The following TCF12 variants were observed in gnomAD, a reference collection of about 807,000 sequenced individuals.
The protein encoded by TCF12 is transcription factor 12.
A neutral mutation model predicts 86.0 loss-of-function variants in TCF12; 45 were observed. The ratio of observed to expected loss-of-function variants is 0.52; its 90% CI spans 0.41 to 0.67. The LOEUF (loss-of-function observed/expected upper bound fraction) is 0.67. Among genes scored for constraint, TCF12 ranks in the 30% least tolerant of loss-of-function variants. The pLI, the probability that TCF12 is intolerant of heterozygous loss-of-function variation, is 0.00. For missense variants in TCF12, 881 were observed against 859.9 expected, an observed-to-expected ratio of 1.02 and a Z score of -0.31; for synonymous variants, 330 against 299.6, an observed-to-expected ratio of 1.10 and a Z score of -1.05.
chr15:56,975,545 T>G (rs1427891423), intron 3 of TCF12, among the ~76,000 whole-genome samples: 2 of 152,148 alleles, frequency 1.3e-5, no homozygotes, highest in African/African-American at 2.4e-5. Context: ...TGAATTTACC[T>G]AATAAAGCCT....
At chr15:57,222,814 G>A (rs1219735183) in intron 8 of TCF12, among the ~76,000 whole-genome samples, 1 of 86,468 alleles carries the variant, frequency 1.2e-5, no homozygotes, top group African/African-American at 4.6e-5. Flanking sequence ...ATTCTGGAGT[G>A]CCTTACTCCA....
intron 8 of TCF12, chr15:57,219,595 G>C: frequency 1.2e-6 from 2 of 1,612,092 alleles, no homozygotes; most frequent in Non-Finnish European, 1.7e-6. Context: ...AAAACGGTAA[G>C]CCTTTTTCTT....
chr15:57,196,959 C>CTGTAGGATTTTTTA (rs2151738324), intron 7 of TCF12, among the ~76,000 whole-genome samples: 1 of 152,028 alleles, frequency 6.6e-6, no homozygotes, highest in Admixed American at 6.5e-5. Flanking sequence ...TTTTAAAAAA[C>CTGTAGGATTTTTTA]TGTAGGATAG....
At chr15:57,086,924 A>C (rs1289082970) in intron 4 of TCF12, among the ~76,000 whole-genome samples, 1 of 152,148 alleles carries the variant, frequency 6.6e-6, no homozygotes, top group African/African-American at 2.4e-5. Flanking sequence ...CGTTTTAAAA[A>C]TTAGCCAAAA....
At chr15:57,037,137 C>A (rs1301473826) in intron 3 of TCF12, among the ~76,000 whole-genome samples, 3 of 152,016 alleles carry the variant, frequency 2.0e-5, no homozygotes. Flanking sequence ...AAAATGACAT[C>A]CTGTGCAGAT....
chr15:56,965,780 A>G (rs2061976014), intron 3 of TCF12, among the ~76,000 whole-genome samples: 1 of 152,160 alleles, frequency 6.6e-6, no homozygotes, highest in Non-Finnish European at 1.5e-5. Flanking sequence ...TCTTATTGCA[A>G]GTCGAGTGAA....
At chr15:57,141,207 C>T (rs939648709) in intron 5 of TCF12, among the ~76,000 whole-genome samples, 6 of 152,136 alleles carry the variant, frequency 3.9e-5, no homozygotes, top group Non-Finnish European at 7.4e-5. Flanking sequence ...AGTCACTGTC[C>T]GTGAACAAGT....
intron 5 of TCF12, among the ~76,000 whole-genome samples, chr15:57,125,531 T>C (rs1455526473): frequency 6.6e-6 from 1 of 152,206 alleles, no homozygotes; most frequent in Non-Finnish European, 1.5e-5. Flanking sequence ...ATATTAGCCT[T>C]TAAACTTAAA....
At chr15:57,202,780 G>T (rs2057613831) in intron 8 of TCF12, among the ~76,000 whole-genome samples, 1 of 152,062 alleles carries the variant, frequency 6.6e-6, no homozygotes, top group Non-Finnish European at 1.5e-5. Context: ...TTGCTGTTGA[G>T]TTCTCGGAAC....
intron 19 of TCF12, among the ~76,000 whole-genome samples, chr15:57,279,018 A>G (rs1268110619): frequency 8.8e-6 from 1 of 113,692 alleles, no homozygotes; most frequent in Non-Finnish European, 1.7e-5. Context: ...TTTCTTCCTC[A>G]GGGTTTTGCT....
chr15:57,250,977 A>G (rs1342867958), intron 13 of TCF12, among the ~76,000 whole-genome samples: 3 of 148,776 alleles, frequency 2.0e-5, no homozygotes, highest in South Asian at 4.2e-4. Flanking sequence ...GTAGTCATTA[A>G]TAGTATTATC....
intron 15 of TCF12, 79 bp downstream of exon 15, chr15:57,252,571 T>G: frequency 8.4e-7 from 1 of 1,186,850 alleles, no homozygotes; most frequent in South Asian, 1.3e-5. Context: ...ATCTTTAAGC[T>G]GTACAGACTC....
intron 7 of TCF12, among the ~76,000 whole-genome samples, chr15:57,195,152 C>T (rs757057325): frequency 7.0e-4 from 107 of 152,334 alleles, no homozygotes; most frequent in Middle Eastern, 3.4e-3. Flanking sequence ...GTCCTCCTGC[C>T]TTGGCCTCCC....
rs945989674 is a variant in TCF12, at chr15:57,219,454, G to C, written c.580-11698G>C. 3.8e-6 allele frequency: 6 copies of C among 1,558,818 alleles called. No individual in the cohort carries two copies. In the African/African-American group the frequency reaches 5.4e-5, roughly 14 times the overall value. On this transcript the variant is annotated intron_variant, in intron 8 of 20. Transcript: ENST00000333725. ...TACTGAAGACTTACTCCCTTTGCCT[G>C]TGTGGATATATGTCTTGGAGAGAGG... is the stretch of plus-strand genomic sequence containing the variant.
chr15:57,243,603 C>G (rs974864536), intron 13 of TCF12, 53 bp downstream of exon 13: 2 of 1,415,988 alleles, frequency 1.4e-6, no homozygotes, highest in Non-Finnish European at 2.0e-6. Flanking sequence ...GGAAATATTT[C>G]TAGTTCATTT....
At chr15:56,936,185 A>AT (rs2060464200) in intron 3 of TCF12, among the ~76,000 whole-genome samples, 1 of 152,224 alleles carries the variant, frequency 6.6e-6, no homozygotes, top group African/African-American at 2.4e-5. Flanking sequence ...TGTGAGAGTA[A>AT]GGTGGTATTG....
chr15:56,944,429 G>C (rs1243701850), intron 3 of TCF12, among the ~76,000 whole-genome samples: 2 of 152,156 alleles, frequency 1.3e-5, no homozygotes, highest in Admixed American at 6.5e-5. Context: ...ATGTTGTCTT[G>C]TAATTGCTTT....
chr15:56,952,899 A>G (rs183015724), intron 3 of TCF12, among the ~76,000 whole-genome samples: 120 of 150,874 alleles, frequency 8.0e-4, no homozygotes, highest in African/African-American at 2.8e-3. Context: ...TACAATTTTA[A>G]ATAGTGGTGA....
At chr15:57,056,133 G>A (rs930093163) in intron 3 of TCF12, among the ~76,000 whole-genome samples, 2 of 151,464 alleles carry the variant, frequency 1.3e-5, no homozygotes, top group East Asian at 2.0e-4. Context: ...GTGTGTGTGT[G>A]TGTGTGTGTG....
Sources: allele counts gnomAD v4.1 joint callset (sites outside exome capture counted in the v4.1 genomes callset), GRCh38; gene constraint gnomAD v4.1.1; transcripts MANE v1.5; gene names NCBI Gene and HGNC (gene_info 2026-07-23, HGNC 2026-07-21).